The following NXNL2 variants were observed in gnomAD, a reference collection of about 807,000 sequenced individuals.
NXNL2 encodes the protein nucleoredoxin like 2.
In NXNL2, 7 loss-of-function variants were observed where a neutral mutation model predicts 11.1. The ratio of observed to expected loss-of-function variants is 0.63; its 90% CI spans 0.36 to 1.18. The LOEUF is 1.18. Ranked by LOEUF, NXNL2 falls within the 50% of genes most tolerant of loss-of-function variation. NXNL2 has a pLI of 0.02. For missense variants in NXNL2, 233 were observed against 217.7 expected, an observed-to-expected ratio of 1.07 and a Z score of -0.44; for synonymous variants, 109 against 101.8, an observed-to-expected ratio of 1.07 and a Z score of -0.42.
At chr9:88,568,731 G>A (rs1213676067) in intron 1 of NXNL2, among the ~76,000 whole-genome samples, 1 of 152,086 alleles carries the variant, frequency 6.6e-6, no homozygotes, top group African/African-American at 2.4e-5. Context: ...ATTCTCACAT[G>A]TTTAGTTTTT....
At chr9:88,568,480 C>T (rs1040912781) in intron 1 of NXNL2, among the ~76,000 whole-genome samples, 17 of 152,292 alleles carry the variant, frequency 1.1e-4, no homozygotes, top group Non-Finnish European at 7.4e-5. Flanking sequence ...ACTGAGGGGA[C>T]ACTGGGCCCC....
At chr9:88,583,107 A>T (rs578228818) in intron 1 of NXNL2, among the ~76,000 whole-genome samples, 1 of 152,272 alleles carries the variant, frequency 6.6e-6, no homozygotes, top group South Asian at 2.1e-4. Context: ...GGACACCTTG[A>T]TGCTGCTCTC....
downstream of NXNL2, among the ~76,000 whole-genome samples, chr9:88,577,901 C>A (rs1351617253): frequency 6.6e-6 from 1 of 152,190 alleles, no homozygotes. Context: ...CTGGGTCCAG[C>A]GGTGGGTCTG....
At chr9:88,564,863 T>G (rs776841478) in intron 1 of NXNL2, among the ~76,000 whole-genome samples, 2 of 152,264 alleles carry the variant, frequency 1.3e-5, no homozygotes, top group Non-Finnish European at 2.9e-5. Context: ...TTGATTTTAT[T>G]TTTGTAAGAA....
intron 1 of NXNL2, among the ~76,000 whole-genome samples, chr9:88,541,395 G>A (rs1185413177): frequency 1.3e-5 from 2 of 151,774 alleles, no homozygotes; most frequent in Non-Finnish European, 2.9e-5. Context: ...CAAGTAGCTG[G>A]GACTACAGGT....
chr9:88,535,525 C>A lies in NXNL2; in HGVS notation c.91C>A (p.Leu31Met). The change falls in exon 1 of 2, where the codon CTG becomes ATG. Residue 31 changes from leucine to methionine, a missense_variant. Physicochemically the swap from Leu to Met is conservative, Grantham distance 15. Coordinates refer to ENST00000375854, the MANE Select transcript of NXNL2 (RefSeq NM_001161625.2). Reference sequence around the variant, plus strand: ...GGCGCTGCAGAACAAGGTGGTGGCACTGTACTTCGCGGCGGCCCGGTGCGC... The same window carrying A: ...GGCGCTGCAGAACAAGGTGGTGGCAATGTACTTCGCGGCGGCCCGGTGCGC... Reference protein sequence around the residue: ...EAALQNKVVALYFAAARCAPS... With the variant: ...EAALQNKVVAMYFAAARCAPS... 6.2e-7 allele frequency: 1 copy of A among 1,609,588 alleles called. No homozygotes were observed. The highest frequency in any genetic ancestry group is 8.5e-7 in the Non-Finnish European group (1 of 1,179,350).
chr9:88,577,676 CTGT>C (rs1236382357), downstream of NXNL2, among the ~76,000 whole-genome samples: 2 of 152,086 alleles, frequency 1.3e-5, no homozygotes, highest in Non-Finnish European at 2.9e-5. Flanking sequence ...CACCGTGCAT[CTGT>C]TCCTCTTCTT....
intron 1 of NXNL2, among the ~76,000 whole-genome samples, chr9:88,570,266 G>A (rs1830241037): frequency 6.6e-6 from 1 of 151,960 alleles, no homozygotes; most frequent in African/African-American, 2.4e-5. Flanking sequence ...TTACAGGCAC[G>A]TGCCACCATG....
At chr9:88,576,200 G>C (rs1830346459), downstream of NXNL2, among the ~76,000 whole-genome samples, 3 of 152,152 alleles carry the variant, frequency 2.0e-5, no homozygotes, top group South Asian at 6.2e-4. Context: ...GTCTCAAAAA[G>C]AAAACAAAAC....
At chr9:88,564,240 GTCTA>G (rs201758132) in intron 1 of NXNL2, among the ~76,000 whole-genome samples, 44 of 139,644 alleles carry the variant, frequency 3.2e-4, no homozygotes, top group South Asian at 9.5e-4. Context: ...CTCTGATGTT[GTCTA>G]TCTATCTATC....
At chr9:88,552,711 C>A (rs1278519277) in intron 1 of NXNL2, among the ~76,000 whole-genome samples, 1 of 152,100 alleles carries the variant, frequency 6.6e-6, no homozygotes, top group Non-Finnish European at 1.5e-5. Flanking sequence ...CCTCGTGATC[C>A]GCCCACCTCA....
rs1292245657 is a variant in NXNL2 at position 88,542,786 on chromosome 9, C to T, written c.303-1593C>T. On this transcript the variant is annotated intron_variant, in intron 1 of 1. Transcript: ENST00000375854. ...GAGCGTAGGGGACCCTGTATTTTTT[C>T]CTGCTTGAGTGATGGTGTGTCTTTG... is the stretch of plus-strand genomic sequence containing the variant. 2.6e-5 allele frequency among the ~76,000 whole-genome samples: 4 copies of T among 152,010 alleles called. No homozygotes were observed. The South Asian group carries it at 8.3e-4, about 31-fold the overall frequency.
exon 3 of NXNL2, chr9:88,575,745 T>C (rs181709481): frequency 3.9e-5 from 6 of 152,332 alleles, no homozygotes; most frequent in Admixed American, 1.3e-4. Context: ...TAAAAATAAC[T>C]ATAATTGCAT....
intron 1 of NXNL2, among the ~76,000 whole-genome samples, chr9:88,565,938 T>C (rs12344276): frequency 0.015 from 2,216 of 152,342 alleles, 57 homozygotes; most frequent in African/African-American, 0.05. Flanking sequence ...ATTAGTGATG[T>C]TGAAAATCTT....
intron 1 of NXNL2, among the ~76,000 whole-genome samples, chr9:88,582,275 C>T (rs891784098): frequency 2.0e-5 from 3 of 152,068 alleles, no homozygotes; most frequent in East Asian, 1.9e-4. Context: ...TCAGACCATC[C>T]TGGCTAACAC....
chr9:88,580,800 A>G (rs1289073436), intron 1 of NXNL2, among the ~76,000 whole-genome samples: 1 of 152,112 alleles, frequency 6.6e-6, no homozygotes, highest in Non-Finnish European at 1.5e-5. Flanking sequence ...CCAATATCTC[A>G]TGCTGTATTT....
intron 1 of NXNL2, among the ~76,000 whole-genome samples, chr9:88,541,080 A>T (rs1185905528): frequency 8.7e-6 from 1 of 114,806 alleles, no homozygotes; most frequent in African/African-American, 3.4e-5. Context: ...CAAGTAGCTG[A>T]GCCTACAGGT....
chr9:88,544,907 G>A lies in NXNL2; in HGVS notation c.*360G>A, dbSNP rs1251751037. The A allele has an allele frequency of 7.1e-6, 7 of 990,210 alleles. No individual in the cohort carries two copies. Among genetic ancestry groups the A allele is most frequent in the Non-Finnish European group, 8.4e-6 (7 of 831,206 alleles). 61.3% of individuals were successfully genotyped at this position (990,210 alleles called of 1,614,324 possible). On this transcript the variant is annotated 3_prime_UTR_variant, in exon 2 of 2. Coordinates refer to ENST00000375854, the MANE Select transcript of NXNL2 (RefSeq NM_001161625.2). The stretch of plus-strand genomic sequence containing the variant: ...ATATTTATTGATAACATTTTCTGGC[G>A]ATCTGTTTATTTTAATGGTATGCTT...
intron 1 of NXNL2, among the ~76,000 whole-genome samples, chr9:88,583,447 T>C (rs1830430928): frequency 6.6e-6 from 1 of 152,230 alleles, no homozygotes; most frequent in Non-Finnish European, 1.5e-5. Context: ...CATGGTAATC[T>C]GGCCCTAAAG....
Sources: gnomAD v4.1 joint callset for allele counts (sites outside exome capture counted in the v4.1 genomes callset) on GRCh38, gnomAD v4.1.1 for gene constraint, MANE v1.5 for transcripts, NCBI Gene and HGNC (gene_info 2026-07-23, HGNC 2026-07-21) for gene names.